GREM2: variants seen among roughly 807,000 people sequenced by gnomAD.
GREM2 encodes gremlin-2.
GREM2 carries 11 observed loss-of-function variants against 14.2 expected under a neutral mutation model. The observed-to-expected ratio is 0.78, with a 90% CI of 0.49 to 1.28. The LOEUF is 1.28. Among genes scored for constraint, GREM2 ranks in the 50% most tolerant of loss-of-function variants. GREM2 has a pLI of 0.00. For synonymous variants in GREM2, 98 were observed against 97.6 expected (o/e 1.00, Z -0.02); for missense variants, 210 against 218.5 (o/e 0.96, Z 0.24).
At chr1:240,610,445 T>C (rs1018825020) in intron 1 of GREM2, among the ~76,000 whole-genome samples, 7 of 152,214 alleles carry the variant, frequency 4.6e-5, no homozygotes, top group Non-Finnish European at 1.0e-4. Flanking sequence ...CCTGACTCTA[T>C]GGTAGAGCTA....
chr1:240,558,396 A>AT (rs111695908), intron 1 of GREM2, among the ~76,000 whole-genome samples: 2,410 of 152,098 alleles, frequency 0.016, 56 homozygotes, highest in African/African-American at 0.051. Flanking sequence ...ATTTTGATGA[A>AT]TTTTTTTTAA....
At chr1:240,497,366 T>C (rs1677450025) in intron 1 of GREM2, among the ~76,000 whole-genome samples, 1 of 152,106 alleles carries the variant, frequency 6.6e-6, no homozygotes, top group Non-Finnish European at 1.5e-5. Context: ...GGGTCAGTAG[T>C]GTTGGGGTGG....
chr1:240,563,012 ATG>A (rs1179092473), intron 1 of GREM2, among the ~76,000 whole-genome samples: 3 of 124,112 alleles, frequency 2.4e-5, no homozygotes, highest in East Asian at 2.6e-4. Context: ...ATGTGAGTGT[ATG>A]TGTGTATGTG....
At chr1:240,498,315 G>T (rs1677479462) in intron 1 of GREM2, among the ~76,000 whole-genome samples, 2 of 152,152 alleles carry the variant, frequency 1.3e-5, no homozygotes, top group South Asian at 4.1e-4. Context: ...TCGATGACTG[G>T]GGCGAAGTCA....
chr1:240,546,021 T>A (rs1678708422), intron 1 of GREM2, among the ~76,000 whole-genome samples: 1 of 152,164 alleles, frequency 6.6e-6, no homozygotes, highest in Non-Finnish European at 1.5e-5. Flanking sequence ...CTCCACAGAC[T>A]CTTCCAATTT....
chr1:240,498,577 C>T lies in GREM2; in HGVS notation c.-1-5101G>A, dbSNP rs371807778. On this transcript the variant is annotated intron_variant, in intron 1 of 1. Transcript: ENST00000318160. ...GTGCAGAGTTCACCAGGGGAGAGAACGTCCGTTCTCTTGCTTGCCTCTGTC... is the reference window on the plus strand; with the variant it reads ...GTGCAGAGTTCACCAGGGGAGAGAATGTCCGTTCTCTTGCTTGCCTCTGTC... Among the ~76,000 whole-genome samples the T allele has an allele frequency of 4.6e-5, 7 of 152,156 alleles. No homozygotes were observed. The East Asian group carries it at 5.8e-4, about 13-fold the overall frequency.
At chr1:240,567,853 A>T (rs1393796665) in intron 1 of GREM2, among the ~76,000 whole-genome samples, 1 of 152,224 alleles carries the variant, frequency 6.6e-6, no homozygotes, top group Non-Finnish European at 1.5e-5. Flanking sequence ...TCAAGCCTGT[A>T]ATCCCAGCAC....
chr1:240,591,703 G>C (rs1679719663), intron 1 of GREM2, among the ~76,000 whole-genome samples: 1 of 152,148 alleles, frequency 6.6e-6, no homozygotes, highest in Admixed American at 6.5e-5. Flanking sequence ...CCAAGACCTG[G>C]TCATAAGTCA....
chr1:240,541,976 G>C (rs754171996), intron 1 of GREM2, among the ~76,000 whole-genome samples: 1 of 152,124 alleles, frequency 6.6e-6, no homozygotes, highest in Non-Finnish European at 1.5e-5. Context: ...ATTTCTGGGA[G>C]AGGAAATGAT....
intron 1 of GREM2, among the ~76,000 whole-genome samples, chr1:240,552,309 G>C (rs746321079): frequency 6.6e-6 from 1 of 152,160 alleles, no homozygotes; most frequent in Non-Finnish European, 1.5e-5. Context: ...GGCTGGGCAC[G>C]GAGGCTTGTG....
chr1:240,599,797 C>A (rs1679886059), intron 1 of GREM2, among the ~76,000 whole-genome samples: 1 of 152,224 alleles, frequency 6.6e-6, no homozygotes, highest in Non-Finnish European at 1.5e-5. Context: ...GAAGGCATCA[C>A]TGGGCTTCTA....
chr1:240,532,020 C>G (rs565717479), intron 1 of GREM2, among the ~76,000 whole-genome samples: 6 of 152,076 alleles, frequency 3.9e-5, no homozygotes, highest in South Asian at 2.1e-4. Flanking sequence ...AGAACTTAAT[C>G]TTTTAAGACC....
intron 1 of GREM2, among the ~76,000 whole-genome samples, chr1:240,516,617 C>G (rs1677962150): frequency 6.6e-6 from 1 of 152,076 alleles, no homozygotes; most frequent in South Asian, 2.1e-4. Flanking sequence ...CTGTGTCTCT[C>G]CAAAAGAATG....
At chr1:240,605,248 T>A (rs1680002757) in intron 1 of GREM2, among the ~76,000 whole-genome samples, 1 of 152,118 alleles carries the variant, frequency 6.6e-6, no homozygotes, top group Non-Finnish European at 1.5e-5. Flanking sequence ...TTACTAAATA[T>A]ATTAAATTTA....
Position 240,577,516 on chromosome 1 carries a change from T to C in GREM2, c.-2+34368A>G, listed in dbSNP as rs1347039645. Among the ~76,000 whole-genome samples, 5 of 152,320 alleles carry C rather than the reference T, an allele frequency of 3.3e-5. No homozygotes were observed. In the East Asian group the frequency reaches 7.7e-4, roughly 24 times the overall value. On this transcript the variant is annotated intron_variant, in intron 1 of 1. Coordinates refer to ENST00000318160, the MANE Select transcript of GREM2 (RefSeq NM_022469.4). ...ACATTAAAAGAATGAAAGTTACATA[T>C]GCATGTAAGAGTGATTGATGACGGG...
At chr1:240,591,286 G>A (rs1679710333) in intron 1 of GREM2, among the ~76,000 whole-genome samples, 1 of 152,172 alleles carries the variant, frequency 6.6e-6, no homozygotes, top group South Asian at 2.1e-4. Context: ...ATCCTCCAGG[G>A]TAGTCCCAGA....
chr1:240,532,169 C>T (rs1327174425), intron 1 of GREM2, among the ~76,000 whole-genome samples: 5 of 151,636 alleles, frequency 3.3e-5, no homozygotes, highest in East Asian at 2.0e-4. Flanking sequence ...CTGCAACCTC[C>T]GCCTCCCAGG....
rs756315285 is a variant in GREM2, at chr1:240,492,963, C to G, written c.*6G>C. On this transcript the variant is annotated 3_prime_UTR_variant, in exon 2 of 2. Transcript: ENST00000318160. ...GCGCGGGGCTGAGCTGCGTCCGGCCCGGCGCTCACTGCTTGTCCGAGTCGC... is the reference window on the plus strand; with the variant it reads ...GCGCGGGGCTGAGCTGCGTCCGGCCGGGCGCTCACTGCTTGTCCGAGTCGC... 29 of 1,518,118 alleles carry G rather than the reference C, an allele frequency of 1.9e-5. No homozygotes were observed. The East Asian group carries it at 6.0e-4, about 31-fold the overall frequency. 94.0% of individuals were successfully genotyped at this position (1,518,118 alleles called of 1,614,324 possible). A position where few individuals can be genotyped will look rare whatever the true frequency, so the allele number is the denominator to read the frequency against.
At chr1:240,500,072 TATAACA>T (rs1403612848) in intron 1 of GREM2, among the ~76,000 whole-genome samples, 1 of 152,128 alleles carries the variant, frequency 6.6e-6, no homozygotes, top group Non-Finnish European at 1.5e-5. Context: ...AAACAGAAAA[TATAACA>T]ATAGGTACTC....
Sources: allele counts gnomAD v4.1 joint callset (sites outside exome capture counted in the v4.1 genomes callset), GRCh38; gene constraint gnomAD v4.1.1; transcripts MANE v1.5; gene names NCBI Gene and HGNC (gene_info 2026-07-23, HGNC 2026-07-21).